The following UBE2E2 variants were observed in gnomAD, a reference collection of about 807,000 sequenced individuals.
The protein encoded by UBE2E2 is ubiquitin-conjugating enzyme E2 E2.
UBE2E2 carries 6 observed loss-of-function variants against 24.7 expected under a neutral mutation model. The ratio of observed to expected loss-of-function variants is 0.24; its 90% confidence interval spans 0.13 to 0.48. The LOEUF (loss-of-function observed/expected upper bound fraction) is 0.48. Ranked by LOEUF, UBE2E2 falls within the 20% of genes least tolerant of loss-of-function variation. The probability of loss-of-function intolerance (pLI) is 0.99; values close to 1 mark genes in which losing one functional copy is unlikely to be tolerated. For missense variants in UBE2E2, 169 were observed against 245.0 expected (o/e 0.69, Z 2.07); for synonymous variants, 104 against 83.6 (o/e 1.24, Z -1.33).
At chr3:23,270,964 G>A (rs747796580) in intron 3 of UBE2E2, 19 of 456,526 alleles carry the variant, frequency 4.2e-5, no homozygotes, top group Non-Finnish European at 7.5e-5. Flanking sequence ...TTCCTGATTC[G>A]ATCTGCTTGC....
At chr3:23,378,236 TAAAAAA>T (rs56808350) in intron 3 of UBE2E2, among the ~76,000 whole-genome samples, 1,976 of 118,056 alleles carry the variant, frequency 0.017, 44 homozygotes, top group African/African-American at 0.057. Context: ...AAATAAGCAG[TAAAAAA>T]AAAAAAAAAA....
chr3:23,357,116 G>C (rs956841599), intron 3 of UBE2E2, among the ~76,000 whole-genome samples: 3 of 152,178 alleles, frequency 2.0e-5, no homozygotes, highest in African/African-American at 7.2e-5. Context: ...CAGAATAGTT[G>C]CATGGTCTTA....
At chr3:23,384,829 C>T (rs889133872) in intron 3 of UBE2E2, among the ~76,000 whole-genome samples, 2 of 152,242 alleles carry the variant, frequency 1.3e-5, no homozygotes, top group African/African-American at 4.8e-5. Context: ...GCGTGAGCCA[C>T]CACACCTGGC....
At chr3:23,365,802 C>G (rs1309888879) in intron 3 of UBE2E2, among the ~76,000 whole-genome samples, 1 of 152,044 alleles carries the variant, frequency 6.6e-6, no homozygotes, top group East Asian at 1.9e-4. Context: ...CCTGAATAGC[C>G]AAAGCAGTCC....
chr3:23,232,513 A>G (rs536928845), intron 3 of UBE2E2, among the ~76,000 whole-genome samples: 2 of 152,330 alleles, frequency 1.3e-5, no homozygotes, highest in South Asian at 2.1e-4. Context: ...ACTGTTTAGA[A>G]TCCTCCTGAT....
chr3:23,564,909 A>T (rs1419992031), intron 5 of UBE2E2, among the ~76,000 whole-genome samples: 1 of 152,182 alleles, frequency 6.6e-6, no homozygotes, highest in Non-Finnish European at 1.5e-5. Flanking sequence ...TGCTACTTAC[A>T]TGAGAAGTAA....
intron 3 of UBE2E2, among the ~76,000 whole-genome samples, chr3:23,298,102 G>A (rs949136287): frequency 6.6e-6 from 1 of 152,132 alleles, no homozygotes; most frequent in African/African-American, 2.4e-5. Flanking sequence ...TCTTATTGCT[G>A]TATAAGAATG....
chr3:23,466,699 C>T (rs953036682), intron 3 of UBE2E2, among the ~76,000 whole-genome samples: 2 of 152,118 alleles, frequency 1.3e-5, no homozygotes, highest in Non-Finnish European at 2.9e-5. Flanking sequence ...TCCTGAGTAG[C>T]TTGGACTACA....
intron 3 of UBE2E2, among the ~76,000 whole-genome samples, chr3:23,347,255 T>C (rs1458283463): frequency 6.6e-6 from 1 of 152,202 alleles, no homozygotes; most frequent in Non-Finnish European, 1.5e-5. Context: ...CATGCACACA[T>C]ATGTTTATTG....
At chr3:23,402,377 C>G (rs73041554) in intron 3 of UBE2E2, among the ~76,000 whole-genome samples, 1 of 152,176 alleles carries the variant, frequency 6.6e-6, no homozygotes, top group Non-Finnish European at 1.5e-5. Flanking sequence ...GGAAGTATAT[C>G]AACAATTTAC....
At chr3:23,472,982 T>C (rs1489808410) in intron 3 of UBE2E2, among the ~76,000 whole-genome samples, 2 of 152,102 alleles carry the variant, frequency 1.3e-5, no homozygotes, top group African/African-American at 4.8e-5. Flanking sequence ...AATCCTTTGA[T>C]AACTTTATTT....
intron 3 of UBE2E2, among the ~76,000 whole-genome samples, chr3:23,243,090 A>C (rs1029966298): frequency 6.6e-6 from 1 of 151,332 alleles, no homozygotes; most frequent in African/African-American, 2.4e-5. Flanking sequence ...TGTTTCAAAA[A>C]AAAAAAAGAA....
Position 23,576,415 on chromosome 3 carries a change from A to G in UBE2E2, c.509-13319A>G, listed in dbSNP as rs78222770. ...CACAAATTCCAATAACAAAATAATTATGTTTAAAAAAACATAATTTTTAAA... is the reference window on the plus strand; with the variant it reads ...CACAAATTCCAATAACAAAATAATTGTGTTTAAAAAAACATAATTTTTAAA... On this transcript the variant is annotated intron_variant, in intron 5 of 5. Transcript: ENST00000396703. Among the ~76,000 whole-genome samples the G allele has an allele frequency of 7.4e-3, 1,120 of 152,254 alleles. 31 individuals carry two copies. In the East Asian group the frequency reaches 0.1, roughly 14 times the overall value.
At chr3:23,358,681 T>C (rs1476487164) in intron 3 of UBE2E2, among the ~76,000 whole-genome samples, 1 of 152,238 alleles carries the variant, frequency 6.6e-6, no homozygotes, top group Non-Finnish European at 1.5e-5. Flanking sequence ...TCTACCTCTT[T>C]TATTTAAAAA....
chr3:23,354,043 A>G (rs1255543791), intron 3 of UBE2E2, among the ~76,000 whole-genome samples: 1 of 152,254 alleles, frequency 6.6e-6, no homozygotes, highest in Non-Finnish European at 1.5e-5. Flanking sequence ...ACAGAGATAT[A>G]GATCAGCGGA....
At chr3:23,282,416 C>G (rs1357790845) in intron 3 of UBE2E2, among the ~76,000 whole-genome samples, 6 of 152,190 alleles carry the variant, frequency 3.9e-5, no homozygotes, top group African/African-American at 1.4e-4. Flanking sequence ...CCTTGCTCTT[C>G]TCTCAGCAGA....
chr3:23,228,010 A>T (rs184623468), intron 3 of UBE2E2, among the ~76,000 whole-genome samples: 1 of 152,284 alleles, frequency 6.6e-6, no homozygotes, highest in East Asian at 1.9e-4. Context: ...TGTTATTTCA[A>T]ATGGGGAACT....
At chr3:23,336,717 G>A (rs998928493) in intron 3 of UBE2E2, among the ~76,000 whole-genome samples, 3 of 152,116 alleles carry the variant, frequency 2.0e-5, no homozygotes, top group African/African-American at 7.2e-5. Flanking sequence ...GAACTTTTGA[G>A]AAAAAAATAG....
chr3:23,465,248 C>G (rs116814987), intron 3 of UBE2E2, among the ~76,000 whole-genome samples: 2 of 152,152 alleles, frequency 1.3e-5, no homozygotes, highest in Non-Finnish European at 2.9e-5. Flanking sequence ...TAAAACCACA[C>G]AGCTAATAAG....
Sources: gnomAD v4.1 joint callset for allele counts (sites outside exome capture counted in the v4.1 genomes callset) on GRCh38, gnomAD v4.1.1 for gene constraint, MANE v1.5 for transcripts, NCBI Gene and HGNC (gene_info 2026-07-23, HGNC 2026-07-21) for gene names.